Variants in MALRD1 observed in about 807,000 individuals in gnomAD.
MALRD1 encodes MAM and LDL-receptor class A domain-containing protein 1.
In MALRD1, 247 loss-of-function variants were observed where a neutral mutation model predicts 242.1. The ratio of observed to expected loss-of-function variants is 1.02; its 90% CI spans 0.92 to 1.13. The LOEUF is 1.13. Among genes scored for constraint, MALRD1 ranks in the 50% most tolerant of loss-of-function variants. The probability of loss-of-function intolerance (pLI) is 0.00; values close to 1 mark genes in which losing one functional copy is unlikely to be tolerated. For missense variants in MALRD1, 2,989 were observed against 2,533.1 expected (o/e 1.18, Z -3.86); for synonymous variants, 995 against 866.6 (o/e 1.15, Z -2.60).
chr10:19,410,318 G>A (rs1833224888), intron 28 of MALRD1, among the ~76,000 whole-genome samples: 1 of 151,732 alleles, frequency 6.6e-6, no homozygotes, highest in Non-Finnish European at 1.5e-5. Flanking sequence ...GTTTAGTATA[G>A]ATTTTTTATT....
At chr10:19,374,205 G>A (rs146932747) in intron 26 of MALRD1, among the ~76,000 whole-genome samples, 6 of 152,116 alleles carry the variant, frequency 3.9e-5, no homozygotes, top group Non-Finnish European at 8.8e-5. Flanking sequence ...TGCATGCATA[G>A]TACAATGAAG....
At chr10:19,475,868 A>C (rs7095412) in intron 29 of MALRD1, among the ~76,000 whole-genome samples, 131,149 of 152,134 alleles carry the variant, frequency 0.86, 56,695 homozygotes, top group East Asian at 1. Context: ...TCATTAAAGC[A>C]CATTAATGTT....
At chr10:19,568,360 G>T (rs1301312943) in intron 33 of MALRD1, among the ~76,000 whole-genome samples, 2 of 149,884 alleles carry the variant, frequency 1.3e-5, no homozygotes, top group East Asian at 3.9e-4. Flanking sequence ...TGTTGTTGTT[G>T]TTGTTGTTGT....
At chr10:19,299,104 A>G (rs774629023) in intron 21 of MALRD1, among the ~76,000 whole-genome samples, 76 of 152,028 alleles carry the variant, frequency 5.0e-4, no homozygotes, top group Admixed American at 4.5e-3. Flanking sequence ...GGAATGCATT[A>G]TTGAATGAAA....
At chr10:19,288,360 C>A (rs373589637) in intron 21 of MALRD1, among the ~76,000 whole-genome samples, 1 of 151,962 alleles carries the variant, frequency 6.6e-6, no homozygotes, top group Non-Finnish European at 1.5e-5. Flanking sequence ...ATGATAACAA[C>A]CCTGTTGTGT....
chr10:19,126,838 G>A (rs1006271201), intron 7 of MALRD1, among the ~76,000 whole-genome samples: 1 of 151,996 alleles, frequency 6.6e-6, no homozygotes, highest in Non-Finnish European at 1.5e-5. Flanking sequence ...GTGGTGGTTG[G>A]CTGCACCTGT....
intron 28 of MALRD1, among the ~76,000 whole-genome samples, chr10:19,417,302 A>T (rs1261894578): frequency 6.6e-6 from 1 of 152,216 alleles, no homozygotes; most frequent in Admixed American, 6.5e-5. Context: ...CAATAAATTT[A>T]GCATACCAAA....
intron 10 of MALRD1, among the ~76,000 whole-genome samples, chr10:19,144,439 G>A (rs1031457550): frequency 1.2e-4 from 18 of 152,208 alleles, no homozygotes; most frequent in African/African-American, 2.4e-4. Flanking sequence ...ATCGGAAGTG[G>A]CATTGTCATT....
intron 29 of MALRD1, among the ~76,000 whole-genome samples, chr10:19,453,496 A>G (rs1383539037): frequency 6.6e-6 from 1 of 152,196 alleles, no homozygotes; most frequent in East Asian, 1.9e-4. Flanking sequence ...ATATGGCTAA[A>G]CTTATGGCAT....
chr10:19,195,243 A>G (rs534206291), intron 14 of MALRD1, among the ~76,000 whole-genome samples: 19 of 152,316 alleles, frequency 1.2e-4, no homozygotes, highest in African/African-American at 4.1e-4. Flanking sequence ...TTTGCAGGTA[A>G]CCACATTTTC....
At chr10:19,212,980 C>A (rs887449786) in intron 18 of MALRD1, among the ~76,000 whole-genome samples, 1 of 152,122 alleles carries the variant, frequency 6.6e-6, no homozygotes, top group African/African-American at 2.4e-5. Context: ...ATTTTTGATG[C>A]AAGCCTTTTA....
At chr10:19,622,385 A>C (rs1367957417) in intron 36 of MALRD1, among the ~76,000 whole-genome samples, 1 of 151,774 alleles carries the variant, frequency 6.6e-6, no homozygotes, top group Non-Finnish European at 1.5e-5. Context: ...TGACAACAAA[A>C]AGAGAAAATA....
intron 32 of MALRD1, among the ~76,000 whole-genome samples, chr10:19,558,630 A>C (rs187023469): frequency 5.8e-4 from 89 of 152,222 alleles, no homozygotes; most frequent in Non-Finnish European, 2.6e-4. Flanking sequence ...GCTGAATTTA[A>C]TTTGCTAATA....
chr10:19,637,332 T>G (rs891101634), intron 36 of MALRD1, among the ~76,000 whole-genome samples: 1 of 152,202 alleles, frequency 6.6e-6, no homozygotes, highest in Non-Finnish European at 1.5e-5. Flanking sequence ...CCTACTTATT[T>G]GATAAGACTT....
In MALRD1 at chr10:19,165,795, T is replaced by C; in HGVS notation, c.1815T>C (p.Ser605=). 8.1e-7 allele frequency: 1 copy of C among 1,231,700 alleles called. No individual in the cohort carries two copies. Among genetic ancestry groups the C allele is most frequent in the Non-Finnish European group, 1.0e-6 (1 of 987,944 alleles). 76.3% of individuals were successfully genotyped at this position (1,231,700 alleles called of 1,614,324 possible). ...KIDLIAEAGE[S]TLPFQLILEA... ...ATCTCATTGCAGAAGCGGGAGAATC[T>C]ACTCTACCTTTTCAGGTAAGCACAT... Residue 605 remains serine (S), a synonymous_variant, in exon 13 of 40, where the codon TCT becomes TCC. Transcript: ENST00000454679.
chr10:19,580,066 G>C (rs1401848144), intron 33 of MALRD1, among the ~76,000 whole-genome samples: 5 of 152,144 alleles, frequency 3.3e-5, no homozygotes, highest in Non-Finnish European at 7.4e-5. Flanking sequence ...TGATTAAACA[G>C]GAATGAATCT....
At chr10:19,657,483 C>G (rs1397987399) in intron 36 of MALRD1, among the ~76,000 whole-genome samples, 5 of 152,052 alleles carry the variant, frequency 3.3e-5, no homozygotes, top group African/African-American at 1.2e-4. Context: ...GGAGCCCTCC[C>G]TACATACTGA....
chr10:19,387,298 C>CT (rs36070001), intron 26 of MALRD1, among the ~76,000 whole-genome samples: 25,750 of 143,128 alleles, frequency 0.18, 2,374 homozygotes, highest in African/African-American at 0.24. Context: ...TAAAGTGATG[C>CT]TTTTTTTTTT....
chr10:19,228,404 T>C (rs1041214327), intron 18 of MALRD1, among the ~76,000 whole-genome samples: 3 of 152,168 alleles, frequency 2.0e-5, no homozygotes, highest in Non-Finnish European at 4.4e-5. Flanking sequence ...AAAGATCAAA[T>C]GCAAAACAGC....
Sources: gnomAD v4.1 joint callset for allele counts (sites outside exome capture counted in the v4.1 genomes callset) on GRCh38, gnomAD v4.1.1 for gene constraint, MANE v1.5 for transcripts, NCBI Gene and HGNC (gene_info 2026-07-23, HGNC 2026-07-21) for gene names.